Variants in RNF216 observed in about 807,000 individuals in gnomAD.
RNF216 encodes ring finger protein 216.
Under a neutral mutation model 110.8 loss-of-function variants are expected in RNF216, and 72 were observed. The observed-to-expected ratio is 0.65, with a 90% confidence interval of 0.54 to 0.79. The LOEUF (loss-of-function observed/expected upper bound fraction) is 0.79. Among genes scored for constraint, RNF216 ranks in the 30% least tolerant of loss-of-function variants. RNF216 has a pLI of 0.00. For missense variants in RNF216, 1,342 were observed against 1,141.2 expected, an observed-to-expected ratio of 1.18 and a Z score of -2.54; for synonymous variants, 495 against 407.5, an observed-to-expected ratio of 1.21 and a Z score of -2.59.
chr7:5,734,701 G>A (rs545520233), intron 5 of RNF216, among the ~76,000 whole-genome samples: 7 of 151,404 alleles, frequency 4.6e-5, no homozygotes, highest in East Asian at 1.9e-4. Context: ...ACACATGCCT[G>A]TAATCCCAGC....
intron 3 of RNF216, among the ~76,000 whole-genome samples, chr7:5,743,712 A>T (rs1562453795): frequency 6.6e-6 from 1 of 152,238 alleles, no homozygotes; most frequent in South Asian, 2.1e-4. Context: ...GATACATGCT[A>T]AACTGGTAAC....
chr7:5,684,252 G>A (rs748254168), intron 13 of RNF216, among the ~76,000 whole-genome samples: 24 of 151,874 alleles, frequency 1.6e-4, no homozygotes, highest in African/African-American at 4.4e-4. Context: ...ACAGGCACCC[G>A]CCACCACGCC....
intron 1 of RNF216, among the ~76,000 whole-genome samples, chr7:5,765,168 A>G (rs533581046): frequency 1.3e-5 from 2 of 152,298 alleles, no homozygotes; most frequent in South Asian, 4.1e-4. Context: ...CTATTAAAAA[A>G]ATGAACTTCA....
intron 5 of RNF216, among the ~76,000 whole-genome samples, chr7:5,734,154 G>A (rs1384361836): frequency 6.6e-6 from 1 of 152,130 alleles, no homozygotes; most frequent in Non-Finnish European, 1.5e-5. Context: ...GAGTTCAGGA[G>A]ACAAGCAGGA....
intron 13 of RNF216, among the ~76,000 whole-genome samples, chr7:5,675,643 C>CA: frequency 6.6e-6 from 1 of 151,556 alleles, no homozygotes; most frequent in East Asian, 1.9e-4. Context: ...CCTCTCAAAA[C>CA]AAACAAACAA....
chr7:5,648,500 C>A (rs796392873), intron 14 of RNF216, among the ~76,000 whole-genome samples: 73 of 151,136 alleles, frequency 4.8e-4, no homozygotes, highest in African/African-American at 1.7e-3. Flanking sequence ...CCAAGGCAGG[C>A]GGATCATGAG....
chr7:5,664,930 G>A (rs1789410580), intron 13 of RNF216, among the ~76,000 whole-genome samples: 1 of 152,168 alleles, frequency 6.6e-6, no homozygotes, highest in South Asian at 2.1e-4. Context: ...CCAAGTAGCT[G>A]GGATTACAGG....
chr7:5,736,191 C>A (rs1189427550), intron 5 of RNF216, among the ~76,000 whole-genome samples: 1 of 152,242 alleles, frequency 6.6e-6, no homozygotes, highest in Non-Finnish European at 1.5e-5. Flanking sequence ...TGTACTGCTG[C>A]CATCTCTGCT....
In RNF216 at chr7:5,713,698, T is replaced by G. The variant is rs924592000; in HGVS notation, c.1834-835A>C. Among the ~76,000 whole-genome samples, 2 of 152,262 alleles carry G rather than the reference T, an allele frequency of 1.3e-5. 1 individual carries two copies. The highest frequency in any genetic ancestry group is 4.2e-4 in the South Asian group (2 of 4,818). On this transcript the variant is annotated intron_variant, in intron 11 of 16. Transcript: ENST00000389902. ...TAACATGAACAAAAAGTGTCAGACA[T>G]GAGGAATGCTTCCCACATGAAAGAC...
intron 13 of RNF216, among the ~76,000 whole-genome samples, chr7:5,678,347 A>G (rs567894510): frequency 6.6e-6 from 1 of 152,292 alleles, no homozygotes; most frequent in East Asian, 1.9e-4. Context: ...CGTTTCATAA[A>G]CAGGATCAGA....
chr7:5,750,866 C>G (rs1156415133), intron 3 of RNF216, among the ~76,000 whole-genome samples: 3 of 152,216 alleles, frequency 2.0e-5, no homozygotes, highest in Non-Finnish European at 4.4e-5. Context: ...TAATTTAACC[C>G]AGTCATGGGA....
At chr7:5,707,731 T>G (rs1056068104) in intron 13 of RNF216, among the ~76,000 whole-genome samples, 4 of 145,990 alleles carry the variant, frequency 2.7e-5, no homozygotes, top group Admixed American at 1.4e-4. Context: ...TTTTTTTTTT[T>G]TTTTTTTTTT....
chr7:5,712,605 G>T, intron 12 of RNF216, 110 bp downstream of exon 12: 1 of 1,091,548 alleles, frequency 9.2e-7, no homozygotes, highest in Non-Finnish European at 1.3e-6. Context: ...AGCAAGAAAT[G>T]TCAAAAAACC....
intron 13 of RNF216, among the ~76,000 whole-genome samples, chr7:5,702,381 A>C (rs1206111428): frequency 6.6e-6 from 1 of 152,174 alleles, no homozygotes; most frequent in African/African-American, 2.4e-5. Context: ...GCCAAGCAGA[A>C]ACAAAAATAA....
chr7:5,658,516 G>A (rs1327051857), intron 13 of RNF216, among the ~76,000 whole-genome samples: 1 of 151,406 alleles, frequency 6.6e-6, no homozygotes, highest in Non-Finnish European at 1.5e-5. Context: ...AATATAGCTG[G>A]CTGTGGTGGT....
chr7:5,720,291 G>A (rs1793336444), intron 9 of RNF216, among the ~76,000 whole-genome samples: 1 of 152,158 alleles, frequency 6.6e-6, no homozygotes, highest in South Asian at 2.1e-4. Context: ...TACTCAACGT[G>A]AAGACCATGA....
intron 3 of RNF216, among the ~76,000 whole-genome samples, chr7:5,750,633 T>C (rs1209775566): frequency 6.6e-6 from 1 of 152,232 alleles, no homozygotes; most frequent in Admixed American, 6.5e-5. Flanking sequence ...ATAAGTCTCA[T>C]GCCTAATGCA....
In RNF216 at chr7:5,715,237, G is replaced by A. The variant is rs916973798; in HGVS notation, c.1696-47C>T. ...ACATGAAATGTCCTGCACTTAAGGA[G>A]AGGGGGAGCCTTGTCTCCCATCCTC... On this transcript the variant is annotated intron_variant, in intron 10 of 16. Coordinates refer to ENST00000389902, the MANE Select transcript of RNF216 (RefSeq NM_207111.4). 6 of 1,581,152 alleles carry A rather than the reference G, an allele frequency of 3.8e-6. No homozygotes were observed. In the African/African-American group the frequency reaches 4.0e-5, roughly 11 times the overall value.
At chr7:5,718,737 G>C (rs1793225742) in intron 9 of RNF216, among the ~76,000 whole-genome samples, 2 of 152,080 alleles carry the variant, frequency 1.3e-5, no homozygotes, top group African/African-American at 4.8e-5. Flanking sequence ...AGTAGAGACA[G>C]AGTTTTGCCA....
Sources: gnomAD v4.1 joint callset for allele counts (sites outside exome capture counted in the v4.1 genomes callset) on GRCh38, gnomAD v4.1.1 for gene constraint, MANE v1.5 for transcripts, NCBI Gene and HGNC (gene_info 2026-07-23, HGNC 2026-07-21) for gene names.